Variants in IL1RAPL2 observed in about 807,000 individuals in gnomAD.
The protein encoded by IL1RAPL2 is X-linked interleukin-1 receptor accessory protein-like 2.
Under a neutral mutation model 44.1 loss-of-function variants are expected in IL1RAPL2, and 3 were observed. That is an observed-to-expected ratio of 0.07 (90% CI 0.03 to 0.18). The LOEUF (loss-of-function observed/expected upper bound fraction) is 0.18, where lower values mean the gene tolerates loss of function less well. Ranked by LOEUF, IL1RAPL2 falls within the 10% of genes least tolerant of loss-of-function variation. IL1RAPL2 has a pLI of 1.00. For missense variants in IL1RAPL2, 391 were observed against 496.4 expected (o/e 0.79, Z 2.02); for synonymous variants, 181 against 178.8 (o/e 1.01, Z -0.10).
intron 2 of IL1RAPL2, among the ~76,000 whole-genome samples, chrX:104,910,227 G>A (rs753939783): frequency 4.1e-4 from 46 of 111,758 alleles, no homozygotes; most frequent in East Asian, 8.5e-4. Context: ...CACGGTGCGC[G>A]CACCCACTGA....
intron 6 of IL1RAPL2, among the ~76,000 whole-genome samples, chrX:105,654,832 C>A (rs892523508): frequency 9.0e-6 from 1 of 111,610 alleles, no homozygotes; most frequent in Non-Finnish European, 1.9e-5. Flanking sequence ...TCAACTTGTT[C>A]TCCTGTCATC....
In IL1RAPL2 at chrX:105,737,265, A is replaced by G. The variant is rs1029845019; in HGVS notation, c.903-3281A>G. ...AGGGTGGCAGGAGGGTACTATGCTT[A>G]TTACCTAGGTAATAAAATAATCTGT... On this transcript the variant is annotated intron_variant, in intron 7 of 10. Coordinates refer to ENST00000372582, the MANE Select transcript of IL1RAPL2 (RefSeq NM_017416.2). Among the ~76,000 whole-genome samples, 3 of 111,145 alleles carry G rather than the reference A, an allele frequency of 2.7e-5. No homozygotes were observed. In the Admixed American group the frequency reaches 2.9e-4, roughly 11 times the overall value.
chrX:104,663,791 T>G (rs1930442282), intron 2 of IL1RAPL2, among the ~76,000 whole-genome samples: 1 of 104,674 alleles, frequency 9.6e-6, no homozygotes, highest in South Asian at 4.5e-4. Context: ...GGATGAGAGA[T>G]ATCGGTCAGA....
At chrX:104,639,156 T>C (rs181576010) in intron 1 of IL1RAPL2, among the ~76,000 whole-genome samples, 4 of 112,058 alleles carry the variant, frequency 3.6e-5, no homozygotes, top group Admixed American at 9.5e-5. Flanking sequence ...GTCTGTTTGA[T>C]ATAAGTATGG....
At chrX:104,568,132 G>A (rs1336926699) in intron 1 of IL1RAPL2, among the ~76,000 whole-genome samples, 3 of 110,934 alleles carry the variant, frequency 2.7e-5, no homozygotes, top group African/African-American at 3.3e-5. Flanking sequence ...TCTTGTCCCC[G>A]AATGAGGAAG....
chrX:105,719,726 C>G (rs761500870), intron 7 of IL1RAPL2, among the ~76,000 whole-genome samples: 52 of 101,415 alleles, frequency 5.1e-4, no homozygotes, highest in African/African-American at 1.9e-3. Context: ...TACATTTTAT[C>G]TCAATAAAGC....
chrX:105,580,900 G>C (rs746783661), intron 6 of IL1RAPL2, among the ~76,000 whole-genome samples: 1 of 111,950 alleles, frequency 8.9e-6, no homozygotes, highest in African/African-American at 3.2e-5. Flanking sequence ...TAATTTAAAG[G>C]GGCTTAGGCA....
intron 2 of IL1RAPL2, among the ~76,000 whole-genome samples, chrX:104,848,955 C>T (rs1922142713): frequency 9.0e-6 from 1 of 110,796 alleles, no homozygotes; most frequent in Non-Finnish European, 1.9e-5. Flanking sequence ...TTAGATTTTT[C>T]AATTATATGA....
chrX:104,575,965 A>G (rs1928237271), intron 1 of IL1RAPL2, among the ~76,000 whole-genome samples: 1 of 111,690 alleles, frequency 9.0e-6, no homozygotes, highest in Non-Finnish European at 1.9e-5. Flanking sequence ...TCTATTTCCT[A>G]GGTCTTATTT....
chrX:105,759,748 A>T (rs2038671470), intron 10 of IL1RAPL2, among the ~76,000 whole-genome samples: 1 of 112,271 alleles, frequency 8.9e-6, no homozygotes, highest in African/African-American at 3.2e-5. Context: ...GATTGTGCTG[A>T]CAATGAAATG....
At chrX:104,726,376 C>T (rs1602699320) in intron 2 of IL1RAPL2, among the ~76,000 whole-genome samples, 1 of 111,014 alleles carries the variant, frequency 9.0e-6, no homozygotes. Flanking sequence ...TTTTTTAGTT[C>T]CATGTGAAAT....
chrX:105,680,981 CAA>C (rs1269008192), intron 6 of IL1RAPL2, among the ~76,000 whole-genome samples: 2 of 111,851 alleles, frequency 1.8e-5, no homozygotes, highest in Non-Finnish European at 3.8e-5. Context: ...TGTGATTAGA[CAA>C]AAGAGTATGA....
chrX:104,584,395 C>T (rs1264261885), intron 1 of IL1RAPL2, among the ~76,000 whole-genome samples: 1 of 110,809 alleles, frequency 9.0e-6, no homozygotes, highest in Non-Finnish European at 1.9e-5. Flanking sequence ...ACATGCCTCC[C>T]TCACAGACTT....
At chrX:105,180,364 A>C (rs1556130082) in intron 2 of IL1RAPL2, among the ~76,000 whole-genome samples, 3 of 111,084 alleles carry the variant, frequency 2.7e-5, no homozygotes, top group African/African-American at 9.9e-5. Flanking sequence ...AACAAAAAAA[A>C]AAGAAAAGAA....
chrX:105,755,539 A>C (rs2147590502), intron 10 of IL1RAPL2, among the ~76,000 whole-genome samples, 192 bp downstream of exon 10: 1 of 111,422 alleles, frequency 9.0e-6, no homozygotes, highest in Admixed American at 9.6e-5. Flanking sequence ...TCTCACTAAT[A>C]TTTTGGGTAT....
At position 105,694,686 on chromosome X, in the gene IL1RAPL2, C is replaced by T. The variant is rs2213321; in HGVS notation, c.773-22681C>T. 2.2e-4 allele frequency among the ~76,000 whole-genome samples: 25 copies of T among 111,263 alleles called. No homozygotes were observed. In the East Asian group the frequency reaches 5.7e-3, roughly 26 times the overall value. On this transcript the variant is annotated intron_variant, in intron 6 of 10. Coordinates refer to ENST00000372582, the MANE Select transcript of IL1RAPL2 (RefSeq NM_017416.2). ...GGACATATGCCGCCACTTACTCTTC[C>T]ATCTGGAATGGGTACCCTTGTTCAC...
chrX:105,447,375 A>C (rs2035973164), intron 5 of IL1RAPL2, among the ~76,000 whole-genome samples: 1 of 68,548 alleles, frequency 1.5e-5, no homozygotes, highest in East Asian at 4.6e-4. Flanking sequence ...ATATAAATAT[A>C]TAAATATATA....
chrX:105,630,382 C>A (rs1480345480), intron 6 of IL1RAPL2, among the ~76,000 whole-genome samples: 1 of 111,130 alleles, frequency 9.0e-6, no homozygotes. Context: ...ATTATTCATT[C>A]AATTTTATAG....
chrX:104,592,035 GTATT>G (rs1213471156), intron 1 of IL1RAPL2, among the ~76,000 whole-genome samples: 2 of 108,737 alleles, frequency 1.8e-5, no homozygotes, highest in Non-Finnish European at 3.8e-5. Context: ...ATTATTTTAG[GTATT>G]TGTTTGTTTG....
Sources: allele counts gnomAD v4.1 joint callset (sites outside exome capture counted in the v4.1 genomes callset), GRCh38; gene constraint gnomAD v4.1.1; transcripts MANE v1.5; gene names NCBI Gene and HGNC (gene_info 2026-07-23, HGNC 2026-07-21).